The following CHD8 variants were observed in gnomAD, a reference collection of about 807,000 sequenced individuals.
CHD8 encodes chromodomain helicase DNA binding protein 8.
CHD8 carries 31 observed loss-of-function variants against 279.2 expected under a neutral mutation model. The observed-to-expected ratio is 0.11, with a 90% CI of 0.08 to 0.15. The LOEUF (loss-of-function observed/expected upper bound fraction) is 0.15. CHD8 is among the 10% of genes least tolerant of loss of function. The probability of loss-of-function intolerance (pLI) is 1.00; values close to 1 mark genes in which losing one functional copy is unlikely to be tolerated. For synonymous variants in CHD8, 1,081 were observed against 1,139.6 expected, an observed-to-expected ratio of 0.95 and a Z score of 1.04; for missense variants, 2,146 against 3,230.5, an observed-to-expected ratio of 0.66 and a Z score of 8.14.
intron 5 of CHD8, among the ~76,000 whole-genome samples, chr14:21,418,622 T>C (rs1046463327): frequency 6.6e-6 from 1 of 152,178 alleles, no homozygotes; most frequent in African/African-American, 2.4e-5. Context: ...GAGACCATCC[T>C]GGCTAACACG....
chr14:21,417,602 C>A (rs1413765769), intron 5 of CHD8, among the ~76,000 whole-genome samples: 3 of 151,908 alleles, frequency 2.0e-5, no homozygotes, highest in Non-Finnish European at 4.4e-5. Context: ...CGCCTGTAAT[C>A]CCAGCACTTT....
chr14:21,416,705 A>G (rs1426109783), intron 5 of CHD8: 1 of 152,258 alleles, frequency 6.6e-6, no homozygotes, highest in Non-Finnish European at 1.5e-5. Context: ...AGTAAACTTG[A>G]ATGGTATAAA....
At chr14:21,391,116 A>C (rs1025150302) in intron 36 of CHD8, 53 bp from the exon 37 acceptor site, 1 of 1,131,168 alleles carries the variant, frequency 8.8e-7, no homozygotes, top group African/African-American at 1.5e-5. Flanking sequence ...TCTCTGGAGT[A>C]ATTATTAAAG....
At chr14:21,434,039 CTTTTT>C (rs57822562) in intron 1 of CHD8, among the ~76,000 whole-genome samples, 7 of 115,878 alleles carry the variant, frequency 6.0e-5, no homozygotes, top group African/African-American at 2.2e-4. Flanking sequence ...GTGAAAGTTT[CTTTTT>C]TTTTTTTTTT....
rs990945033 is a variant in CHD8 at position 21,431,295 on chromosome 14, A to G, written c.349T>C (p.Ser117Pro). 4 of 1,568,182 alleles carry G rather than the reference A, an allele frequency of 2.6e-6. No homozygotes were observed. In the Admixed American group the frequency reaches 5.5e-5, roughly 22 times the overall value. ...QPVLQTSTPT[S>P]GLLQVSKSQE... is the part of the protein sequence containing the mutation. The stretch of plus-strand genomic sequence containing the variant: ...CTCTTGGAGACTTGCAAAAGTCCTG[A>G]TGTTGGCGTCGATGTCTGTAAGACA... The change falls in exon 2 of 38, where the codon TCA (serine) becomes CCA (proline). Residue 117 changes from serine to proline, a missense_variant. Physicochemically the swap from Ser to Pro is moderately conservative, Grantham distance 74. Coordinates refer to ENST00000646647, the MANE Select transcript of CHD8 (RefSeq NM_001170629.2).
Position 21,401,068 on chromosome 14 carries a change from T to C in CHD8, c.4177A>G (p.Asn1393Asp). The stretch of plus-strand genomic sequence containing the variant: ...ACTCTAGGTGTGTCAATTACCAAAT[T>C]ATTCTATGAAGAGAACAGAAGGAGA... The part of the protein sequence containing the change: ...LDMDLLNSKN[N>D]LVIDTPRVRK... The change falls in exon 22 of 38, where the codon AAT (asparagine) becomes GAT (aspartate). Residue 1393 changes from asparagine (N) to aspartate (D), a missense_variant. By Grantham distance (23) the Asn-to-Asp change is conservative. Around this residue, in one of 26 missense-constraint regions of CHD8, gnomAD observed 74 missense variants for 91.5 expected, o/e 0.81. Transcript: ENST00000646647. 6.2e-7 allele frequency: 1 copy of C among 1,603,670 alleles called. No homozygotes were observed. Among genetic ancestry groups the C allele is most frequent in the Non-Finnish European group, 8.5e-7 (1 of 1,174,862 alleles).
Position 21,426,261 on chromosome 14 carries a change from A to G in CHD8, c.1602-19T>C. On this transcript the variant is annotated intron_variant, in intron 4 of 37. Transcript: ENST00000646647. ...GATGGTGCTAAAAAGGAAAAACCAA[A>G]TTCATTTTCAGTGAAAGCAAAGAAA... is the stretch of plus-strand genomic sequence containing the variant. 7.5e-7 allele frequency: 1 copy of G among 1,328,874 alleles called. No homozygotes were observed. Among genetic ancestry groups the G allele is most frequent in the Non-Finnish European group, 1.1e-6 (1 of 942,594 alleles). The allele number at this position is 1,328,874 out of a possible 1,614,324, so 82.3% of individuals were successfully genotyped here. A position where few individuals can be genotyped will look rare whatever the true frequency, so the allele number is the denominator to read the frequency against.
In CHD8 at chr14:21,431,832, C is replaced by T. The variant is rs1017702963; in HGVS notation, c.-189G>A. ...TGACCTTCATGGAGCAAGATGGCTA[C>T]GTCTTCAGAGGAAGATGGTGGAACT... On this transcript the variant is annotated 5_prime_UTR_variant, in exon 2 of 38. Transcript: ENST00000646647. 53 of 1,612,738 alleles carry T rather than the reference C, an allele frequency of 3.3e-5. No homozygotes were observed. The highest frequency in any genetic ancestry group is 4.0e-5 in the Non-Finnish European group (47 of 1,178,962).
chr14:21,432,129 C>T (rs147343175), intron 1 of CHD8, among the ~76,000 whole-genome samples: 1 of 152,186 alleles, frequency 6.6e-6, no homozygotes, highest in East Asian at 1.9e-4. Context: ...TGTCTTTCTC[C>T]GTTTCTTTTA....
intron 1 of CHD8, among the ~76,000 whole-genome samples, chr14:21,449,169 A>G (rs938734276): frequency 1.3e-5 from 2 of 152,020 alleles, no homozygotes; most frequent in South Asian, 4.2e-4. Flanking sequence ...GCGAGACTTC[A>G]TCGCAAAATA....
rs370197618 is a variant in CHD8, at chr14:21,402,554, C to G, written c.3715-51G>C. ...AAGGAGAAAGATATCATAAAATTAG[C>G]AAGGGAAAGGATACAAAATACCAAT... On this transcript the variant is annotated intron_variant, in intron 18 of 37. Transcript: ENST00000646647. This position sits in a 1 kb window ranked among gnomAD's most constrained non-coding sequence, Gnocchi z 4.5. 645 of 1,501,560 alleles carry G rather than the reference C, an allele frequency of 4.3e-4. 8 individuals carry two copies. The South Asian group carries it at 8.3e-3, about 19-fold the overall frequency. The allele number at this position is 1,501,560 out of a possible 1,614,324, so 93.0% of individuals were successfully genotyped here. A position where few individuals can be genotyped will look rare whatever the true frequency, so the allele number is the denominator to read the frequency against.
chr14:21,406,768 T>A, intron 14 of CHD8, 88 bp downstream of exon 14: 2 of 1,212,214 alleles, frequency 1.6e-6, no homozygotes, highest in Non-Finnish European at 2.3e-6. Context: ...CAGACTTTTC[T>A]TCTCTGCTAA....
At chr14:21,407,081 T>C (rs1566426723) in intron 13 of CHD8, 49 bp from the exon 14 acceptor site, 3 of 1,455,716 alleles carry the variant, frequency 2.1e-6, no homozygotes, top group South Asian at 2.7e-5. Flanking sequence ...TGTACCTAAA[T>C]GAGGAGCTTT....
chr14:21,431,607 T>G lies in CHD8; in HGVS notation c.37A>C (p.Asn13His). The part of the protein sequence containing the change: ...DPIMDLFDDP[N>H]LFGLDSLTDD... ...GTCAGAGAGTCCAGGCCAAATAAAT[T>G]TGGGTCATCGAACAGATCCATGATG... The change falls in exon 2 of 38, where the codon AAT (asparagine) becomes CAT (histidine). Residue 13 changes from asparagine (N) to histidine (H), a missense_variant. Transcript: ENST00000646647. 6.5e-7 allele frequency: 1 copy of G among 1,537,542 alleles called. No homozygotes were observed. The highest frequency in any genetic ancestry group is 8.7e-7 in the Non-Finnish European group (1 of 1,146,880).
chr14:21,401,877 T>C, intron 20 of CHD8, 80 bp downstream of exon 20: 7 of 1,344,414 alleles, frequency 5.2e-6, no homozygotes, highest in Non-Finnish European at 5.2e-6. Context: ...TGAGCCACCA[T>C]CCCCAGCATA....
In CHD8 at chr14:21,405,307, G is replaced by A. The variant is rs1172358575; in HGVS notation, c.3209C>T (p.Ser1070Phe). ...YYRAILEKNFSFLSKGAGHTN... is the reference protein window; with the variant it reads ...YYRAILEKNFFFLSKGAGHTN... ...ATGACCTGCCCCTTTGGAAAGGAAG[G>A]AGAAATTCTTCTCCAAAATAGCCCG... is the stretch of plus-strand genomic sequence containing the variant. The change falls in exon 16 of 38, where the codon TCC becomes TTC. Residue 1070 changes from serine (S) to phenylalanine (F), a missense_variant. Ser to Phe is a radical substitution (Grantham distance 155). Around this residue, in one of 26 missense-constraint regions of CHD8, gnomAD observed 18 missense variants for 17.1 expected, o/e 1.05. Coordinates refer to ENST00000646647, the MANE Select transcript of CHD8 (RefSeq NM_001170629.2). This position sits in a 1 kb window ranked among gnomAD's most constrained non-coding sequence, Gnocchi z 4.2. The A allele has an allele frequency of 1.9e-6, 3 of 1,611,536 alleles. No individual in the cohort carries two copies. Among genetic ancestry groups the A allele is most frequent in the East Asian group, 2.2e-5 (1 of 44,826 alleles).
rs1887180113 is a variant in CHD8 at position 21,385,410 on chromosome 14, T to A, written c.*203A>T. ...CCCCAGAAATGAGGAAGTGGTCATG[T>A]ATTATTTTAGGAGTTCCCCTGCCCA... On this transcript the variant is annotated 3_prime_UTR_variant, in exon 38 of 38. Transcript: ENST00000646647. The A allele has an allele frequency of 1.3e-6, 1 of 748,808 alleles. No homozygotes were observed. The highest frequency in any genetic ancestry group is 1.8e-5 in the African/African-American group (1 of 56,692). The allele number at this position is 748,808 out of a possible 1,614,324, so 46.4% of individuals were successfully genotyped here.
At chr14:21,418,390 T>C (rs746104724) in intron 5 of CHD8, among the ~76,000 whole-genome samples, 7 of 151,876 alleles carry the variant, frequency 4.6e-5, no homozygotes, top group Non-Finnish European at 1.0e-4. Context: ...CATGGTGGCG[T>C]GCACCTGTAA....
intron 26 of CHD8, chr14:21,398,713 G>A (rs1478006525): frequency 1.3e-5 from 2 of 152,752 alleles, no homozygotes; most frequent in African/African-American, 4.8e-5. Context: ...AGGCAAAACT[G>A]CTATAAGAGT....
Sources: allele counts gnomAD v4.1 joint callset (sites outside exome capture counted in the v4.1 genomes callset), GRCh38; gene constraint gnomAD v4.1.1; regional missense constraint gnomAD v4.1.1; non-coding constraint Gnocchi (gnomAD v3.1); transcripts MANE v1.5; gene names NCBI Gene and HGNC (gene_info 2026-07-23, HGNC 2026-07-21).